Variants in GLIS3 observed in about 807,000 individuals in gnomAD.
The protein encoded by GLIS3 is GLIS family zinc finger 3, also known as zinc finger protein GLIS3.
GLIS3 carries 53 observed loss-of-function variants against 78.6 expected under a neutral mutation model. The observed-to-expected ratio is 0.67, with a 90% CI of 0.54 to 0.85. The LOEUF is 0.85. GLIS3 is among the 40% of genes least tolerant of loss of function. The probability of loss-of-function intolerance (pLI) is 0.00; values close to 1 mark genes in which losing one functional copy is unlikely to be tolerated. For synonymous variants in GLIS3, 684 were observed against 509.9 expected, an observed-to-expected ratio of 1.34 and a Z score of -4.60; for missense variants, 1,703 against 1,231.1, an observed-to-expected ratio of 1.38 and a Z score of -5.74.
the GLIS3 span, among the ~76,000 whole-genome samples, chr9:4,453,110 T>C: frequency 1.3e-5 from 2 of 152,142 alleles, no homozygotes; most frequent in African/African-American, 2.4e-5. Context: ...ACTAGCCATA[T>C]GTAGAAAGCT....
intron 4 of GLIS3, among the ~76,000 whole-genome samples, chr9:4,089,399 T>C (rs898542297): frequency 6.6e-6 from 1 of 152,182 alleles, no homozygotes. Context: ...TGTGTGTATG[T>C]TAATAAAAAA....
Position 4,052,375 on chromosome 9 carries a change from T to A in GLIS3, c.1710+65393A>T, listed in dbSNP as rs1340796789. 2.6e-5 allele frequency among the ~76,000 whole-genome samples: 4 copies of A among 152,304 alleles called. No individual in the cohort carries two copies. In the East Asian group the frequency reaches 7.7e-4, roughly 29 times the overall value. ...ACCATTTTAGCCATTTAAAAGTACA[T>A]ACTTCATGATATTAAATGCATTCAT... On this transcript the variant is annotated intron_variant, in intron 4 of 10. Transcript: ENST00000381971.
At chr9:4,206,449 T>C (rs750891159) in intron 2 of GLIS3, among the ~76,000 whole-genome samples, 23 of 152,204 alleles carry the variant, frequency 1.5e-4, no homozygotes, top group Non-Finnish European at 2.5e-4. Flanking sequence ...GTCATGATAA[T>C]ATAAAACTCA....
intron 4 of GLIS3, among the ~76,000 whole-genome samples, chr9:4,034,033 G>A (rs1824102476): frequency 6.6e-6 from 1 of 151,920 alleles, no homozygotes; most frequent in East Asian, 1.9e-4. Flanking sequence ...AACAGCCTAG[G>A]CAACATTGTG....
the GLIS3 span, among the ~76,000 whole-genome samples, chr9:4,402,712 T>G: frequency 2.6e-5 from 4 of 152,014 alleles, no homozygotes; most frequent in African/African-American, 4.8e-5. Context: ...CTCTTAATAG[T>G]AGAATTGATT....
intron 4 of GLIS3, among the ~76,000 whole-genome samples, chr9:3,960,047 G>T (rs1368078749): frequency 6.6e-6 from 1 of 152,194 alleles, no homozygotes; most frequent in East Asian, 1.9e-4. Context: ...AGTTGCAGAA[G>T]AATTGCTTGA....
intron 2 of GLIS3, among the ~76,000 whole-genome samples, chr9:4,345,863 T>C (rs1235475192): frequency 2.0e-5 from 3 of 152,200 alleles, no homozygotes; most frequent in Non-Finnish European, 4.4e-5. Context: ...CGTCTTTTTT[T>C]CTTGTTGTTT....
At chr9:3,871,894 C>T (rs1050911806) in intron 8 of GLIS3, among the ~76,000 whole-genome samples, 1 of 152,226 alleles carries the variant, frequency 6.6e-6, no homozygotes, top group African/African-American at 2.4e-5. Context: ...GAGATTTTCT[C>T]TTCTAATGCA....
At chr9:3,858,294 CCT>C (rs1491559842) in intron 8 of GLIS3, among the ~76,000 whole-genome samples, 2 of 152,014 alleles carry the variant, frequency 1.3e-5, no homozygotes, top group African/African-American at 4.8e-5. Context: ...ATATCTAGAT[CCT>C]ATATATATAT....
chr9:4,252,901 C>G (rs1364792128), intron 2 of GLIS3, among the ~76,000 whole-genome samples: 1 of 152,182 alleles, frequency 6.6e-6, no homozygotes, highest in Non-Finnish European at 1.5e-5. Context: ...TTTGCTGGAG[C>G]TCCACTCCAG....
intron 2 of GLIS3, among the ~76,000 whole-genome samples, chr9:4,194,692 T>C (rs1816088984): frequency 1.3e-5 from 2 of 152,140 alleles, no homozygotes; most frequent in African/African-American, 4.8e-5. Context: ...ATCTCGCTGA[T>C]AAAAGTGAGT....
chr9:4,333,505 A>G (rs1204589096), intron 2 of GLIS3, among the ~76,000 whole-genome samples: 3 of 152,232 alleles, frequency 2.0e-5, no homozygotes, highest in African/African-American at 7.2e-5. Context: ...TGAGTGGTTA[A>G]GAGTGACAGA....
At position 4,032,621 on chromosome 9, in the gene GLIS3, T is replaced by C. The variant is rs149912539; in HGVS notation, c.1710+85147A>G. Among the ~76,000 whole-genome samples, 47 of 152,272 alleles carry C rather than the reference T, an allele frequency of 3.1e-4. No homozygotes were observed. In the East Asian group the frequency reaches 5.6e-3, roughly 18 times the overall value. ...TTTCTAATGTGCAACAAGGAAAACA[T>C]ACGCAACGTGTCAAGTGACAAAGGA... On this transcript the variant is annotated intron_variant, in intron 4 of 10. Transcript: ENST00000381971.
the GLIS3 span, among the ~76,000 whole-genome samples, chr9:4,450,458 G>A: frequency 6.6e-6 from 1 of 152,080 alleles, no homozygotes; most frequent in Non-Finnish European, 1.5e-5. Flanking sequence ...CCCCAACCTA[G>A]CAAGACAGGC....
chr9:4,118,110 TGGG>T lies in GLIS3; in HGVS notation c.1365_1367del (p.Pro456del). On this transcript the variant is annotated inframe_deletion, in exon 4 of 11. Coordinates refer to ENST00000381971, the MANE Select transcript of GLIS3 (RefSeq NM_001042413.2). The surrounding 1 kb of genome is among the most constrained non-coding windows in gnomAD (Gnocchi z 4.7). ...GGGCATGGTAAGGGGGTGGGGGGCC[TGGG>T]GGCGGCGGCAGAGGAGGGAGCGGAG... 8.5e-7 allele frequency: 1 copy of T among 1,178,676 alleles called. No individual in the cohort carries two copies. Among genetic ancestry groups the T allele is most frequent in the Non-Finnish European group, 1.2e-6 (1 of 854,686 alleles). 73.0% of individuals were successfully genotyped at this position (1,178,676 alleles called of 1,614,324 possible).
upstream of GLIS3, among the ~76,000 whole-genome samples, chr9:4,351,073 C>T (rs1817964869): frequency 6.6e-6 from 1 of 152,068 alleles, no homozygotes; most frequent in South Asian, 2.1e-4. Context: ...GTATAATAAT[C>T]CATTTCTTTC....
intron 3 of GLIS3, among the ~76,000 whole-genome samples, chr9:4,121,838 C>T (rs1437544513): frequency 6.6e-6 from 1 of 152,188 alleles, no homozygotes; most frequent in Non-Finnish European, 1.5e-5. Context: ...ACGATGGGCA[C>T]CCAAATTTTC....
intron 4 of GLIS3, among the ~76,000 whole-genome samples, chr9:4,070,317 G>T (rs549182380): frequency 6.6e-6 from 1 of 152,254 alleles, no homozygotes; most frequent in African/African-American, 2.4e-5. Flanking sequence ...GTTCAGCTTT[G>T]CACCAGGGAA....
chr9:4,485,617 A>T, the GLIS3 span, among the ~76,000 whole-genome samples: 1 of 152,098 alleles, frequency 6.6e-6, no homozygotes, highest in Non-Finnish European at 1.5e-5. Context: ...CATCTTTACA[A>T]CAATACCAGT....
Sources: allele counts gnomAD v4.1 joint callset (sites outside exome capture counted in the v4.1 genomes callset), GRCh38; gene constraint gnomAD v4.1.1; non-coding constraint Gnocchi (gnomAD v3.1); transcripts MANE v1.5; gene names NCBI Gene and HGNC (gene_info 2026-07-23, HGNC 2026-07-21).